The following IQCN variants were observed in gnomAD, a reference collection of about 807,000 sequenced individuals.
IQCN encodes the protein IQ domain-containing protein N.
A neutral mutation model predicts 64.4 loss-of-function variants in IQCN; 46 were observed. That is an observed-to-expected ratio of 0.71 (90% CI 0.56 to 0.91). The LOEUF is 0.91. Among genes scored for constraint, IQCN ranks in the 40% least tolerant of loss-of-function variants. The pLI is 0.00. For missense variants in IQCN, 1,753 were observed against 1,857.4 expected (o/e 0.94, Z 1.03); for synonymous variants, 733 against 775.6 (o/e 0.95, Z 0.91).
chr19:18,266,782 A>G lies in IQCN; in HGVS notation c.758T>C (p.Leu253Pro). ...VTIRFPCPVS[L>P]DAKCQPCLLT... ...CAGGCATGGCTGGCATTTTGCGTCC[A>G]GACTCACTGGGCAGGGAAATCTGAT... Residue 253 changes from leucine to proline, a missense_variant, in exon 3 of 4, where the codon CTG becomes CCG. By Grantham distance (98) the Leu-to-Pro change is moderately conservative (BLOSUM62 -3). Transcript: ENST00000392413. The surrounding 1 kb of genome is among the most constrained non-coding windows in gnomAD (Gnocchi z 4.3). 1 of 1,614,194 alleles carries G rather than the reference A, an allele frequency of 6.2e-7. No individual in the cohort carries two copies. Among genetic ancestry groups the G allele is most frequent in the Non-Finnish European group, 8.5e-7 (1 of 1,180,024 alleles).
At chr19:18,269,844 G>GA (rs1424639032) in intron 1 of IQCN, among the ~76,000 whole-genome samples, 4 of 151,952 alleles carry the variant, frequency 2.6e-5, no homozygotes, top group African/African-American at 9.7e-5. Flanking sequence ...TTTAGCAGAG[G>GA]AAAAACTGGA....
rs140959104 is a variant in IQCN, at chr19:18,257,690, G to A, written c.3594C>T (p.Ala1198=). 37 of 1,604,346 alleles carry A rather than the reference G, an allele frequency of 2.3e-5. No individual in the cohort carries two copies. Among genetic ancestry groups the A allele is most frequent in the Non-Finnish European group, 2.9e-5 (34 of 1,174,392 alleles). Residue 1198 remains alanine (A), a synonymous_variant, in exon 4 of 4, where the codon GCC becomes GCT. Coordinates refer to ENST00000392413, the MANE Select transcript of IQCN (RefSeq NM_001145304.2). ...PVTWVELGSR[A]GVMSDRSWFQ... ...ACCAGCTTCGGTCAGACATGACCCC[G>A]GCCCGGCTGCCCAGCTCCACCCACG...
At position 18,264,584 on chromosome 19, in the gene IQCN, C is replaced by G. The variant is rs926394174; in HGVS notation, c.2956G>C (p.Ala986Pro). ...CCCTGACACAGGGCCTGGCTCAGAG[C>G]CACCCACTCCTCCTCCGTCAAAGCC... is the stretch of plus-strand genomic sequence containing the variant. ...SKALTEEEWV[A>P]LSQALCQGEL... Residue 986 changes from alanine (A) to proline (P), a missense_variant, in exon 3 of 4, where the codon GCT becomes CCT. Ala to Pro is a conservative substitution (Grantham distance 27, BLOSUM62 -1). Coordinates refer to ENST00000392413, the MANE Select transcript of IQCN (RefSeq NM_001145304.2). The surrounding 1 kb of genome is among the most constrained non-coding windows in gnomAD (Gnocchi z 4.3). 1 of 1,551,452 alleles carries G rather than the reference C, an allele frequency of 6.4e-7. No individual in the cohort carries two copies. The highest frequency in any genetic ancestry group is 2.4e-5 in the East Asian group (1 of 40,914).
At position 18,257,773 on chromosome 19, in the gene IQCN, G is replaced by A. The variant is rs528994641; in HGVS notation, c.3511C>T (p.Arg1171Cys). 41 of 1,610,982 alleles carry A rather than the reference G, an allele frequency of 2.5e-5. No homozygotes were observed. In the South Asian group the frequency reaches 3.3e-4, roughly 13 times the overall value. ...TGGTCCCGGCGGGTGCTGTAGCCGC[G>A]CCAGGCAGACTGGATGGTCGTGGTG... ...RATTTIQSAW[R>C]GYSTRRDQAR... Residue 1171 changes from arginine to cysteine, a missense_variant, in exon 4 of 4, where the codon CGC becomes TGC. Coordinates refer to ENST00000392413, the MANE Select transcript of IQCN (RefSeq NM_001145304.2).
chr19:18,268,961 C>CAAAAA (rs35086395), intron 2 of IQCN, among the ~76,000 whole-genome samples: 2 of 54,428 alleles, frequency 3.7e-5, no homozygotes, highest in African/African-American at 7.2e-5. Flanking sequence ...GACTCTGTCT[C>CAAAAA]AAAAAAAAAA....
chr19:18,262,995 C>T (rs149374268), intron 3 of IQCN, among the ~76,000 whole-genome samples: 14 of 152,238 alleles, frequency 9.2e-5, no homozygotes, highest in Admixed American at 3.9e-4. Context: ...CCAGTGAACA[C>T]GCAAGGTCAA....
intron 3 of IQCN, among the ~76,000 whole-genome samples, chr19:18,263,736 C>A (rs1289633980): frequency 6.6e-6 from 1 of 152,146 alleles, no homozygotes; most frequent in Non-Finnish European, 1.5e-5. Context: ...ACGATGTACC[C>A]CTGAGGACTG....
Position 18,265,210 on chromosome 19 carries a change from C to G in IQCN, c.2330G>C (p.Gly777Ala). 6.2e-7 allele frequency: 1 copy of G among 1,612,012 alleles called. No homozygotes were observed. The highest frequency in any genetic ancestry group is 8.5e-7 in the Non-Finnish European group (1 of 1,179,980). ...GCAGGCGTGGTTGGACACCTTGGAC[C>G]CTGTTAGGAGCACCTGGGAGTGGGT... ...SNTHSQVLLT[G>A]SKVSNHACQR... The change falls in exon 3 of 4, where the codon GGG becomes GCG. Residue 777 changes from glycine to alanine, a missense_variant. By Grantham distance (60) the Gly-to-Ala change is moderately conservative. Transcript: ENST00000392413. This position sits in a 1 kb window ranked among gnomAD's most constrained non-coding sequence, Gnocchi z 4.7.
chr19:18,272,712 G>A (rs915717427), intron 1 of IQCN, among the ~76,000 whole-genome samples: 8 of 149,660 alleles, frequency 5.3e-5, no homozygotes, highest in South Asian at 2.1e-4. Flanking sequence ...CCGGGTTCAC[G>A]CCATTCTCCT....
intron 1 of IQCN, among the ~76,000 whole-genome samples, chr19:18,271,150 C>T (rs112543735): frequency 0.039 from 5,286 of 134,414 alleles, 334 homozygotes; most frequent in African/African-American, 0.15. Context: ...CCAGCCTGGG[C>T]GACAGAGTGA....
intron 3 of IQCN, chr19:18,258,380 T>C (rs1969360360): frequency 1.5e-6 from 1 of 669,792 alleles, no homozygotes; most frequent in Non-Finnish European, 2.7e-6. Context: ...AGGCCTGGGA[T>C]GGTTGTCTTT....
In IQCN at chr19:18,257,935, C is replaced by T. The variant is rs142699664; in HGVS notation, c.3349G>A (p.Val1117Met). The T allele has an allele frequency of 1.6e-4, 264 of 1,612,888 alleles. No individual in the cohort carries two copies. The African/African-American group carries it at 3.0e-3, about 18-fold the overall frequency. Residue 1117 changes from valine to methionine, a missense_variant, in exon 4 of 4, where the codon GTG becomes ATG. Val to Met is a conservative substitution (Grantham distance 21). Coordinates refer to ENST00000392413, the MANE Select transcript of IQCN (RefSeq NM_001145304.2). Reference protein sequence around the residue: ...QAAEEIRILAVITIQAGVRGY... With the variant: ...QAAEEIRILAMITIQAGVRGY... ...CGGACGCCCGCCTGGATAGTGATCA[C>T]TGCGAGGATGCGGATCTCCTCTGCA...
chr19:18,265,846 TTTGCAGCCTGCTTCACATTCACGG>T lies in IQCN; in HGVS notation c.1670_1693del (p.Thr557_Ala564del), dbSNP rs1412420897. On this transcript the variant is annotated inframe_deletion, in exon 3 of 4. Transcript: ENST00000392413. This position sits in a 1 kb window ranked among gnomAD's most constrained non-coding sequence, Gnocchi z 4.7. ...GGAGGGGGATGAGGCTTTCACCACCTTTGCAGCCTGCTTCACATTCACGGTGGCCTTGGCCTTGGGTGGGTTCTC... is the reference window on the plus strand; with the variant it reads ...GGAGGGGGATGAGGCTTTCACCACCTTGGCCTTGGCCTTGGGTGGGTTCTC... 6.2e-7 allele frequency: 1 copy of T among 1,614,136 alleles called. No individual in the cohort carries two copies. Among genetic ancestry groups the T allele is most frequent in the Admixed American group, 1.7e-5 (1 of 60,024 alleles).
intron 3 of IQCN, chr19:18,262,413 G>C (rs1969450795): frequency 1.3e-5 from 2 of 152,986 alleles, no homozygotes; most frequent in Admixed American, 1.3e-4. Flanking sequence ...AAAGGCTTGA[G>C]ATGGCTGGGC....
At position 18,264,405 on chromosome 19, in the gene IQCN, T is replaced by C. The variant is rs1969495268; in HGVS notation, c.3135A>G (p.Ala1045=). ...KVACRRSPSA[A]WGPSLGPVRP... is the part of the protein sequence containing the mutation. ...TCACGGGGCCCAGGGAGGGCCCCCA[T>C]GCGGCCGATGGACTCCTCCTGCAGG... Residue 1045 remains alanine (A), a synonymous_variant, in exon 3 of 4, where the codon GCA becomes GCG. Transcript: ENST00000392413. This position sits in a 1 kb window ranked among gnomAD's most constrained non-coding sequence, Gnocchi z 4.3. 4.6e-6 allele frequency: 7 copies of C among 1,531,056 alleles called. No homozygotes were observed. The highest frequency in any genetic ancestry group is 1.4e-5 in the African/African-American group (1 of 72,754). The allele number at this position is 1,531,056 out of a possible 1,614,324, so 94.8% of individuals were successfully genotyped here.
Position 18,266,525 on chromosome 19 carries a change from G to A in IQCN, c.1015C>T (p.Leu339=), listed in dbSNP as rs1341402831. ...ICPGPMITKT[L]LQTYPVVSVT... is the part of the protein sequence containing the mutation. ...GAGACCACTGGATATGTCTGGAGTA[G>A]AGTCTTGGTGATCATGGGCCCTGGA... is the stretch of plus-strand genomic sequence containing the variant. The change falls in exon 3 of 4, where the codon CTA becomes TTA. Residue 339 remains leucine (L), a synonymous_variant. Transcript: ENST00000392413. The surrounding 1 kb of genome is among the most constrained non-coding windows in gnomAD (Gnocchi z 4.3). The A allele has an allele frequency of 1.2e-6, 2 of 1,611,150 alleles. No individual in the cohort carries two copies. The highest frequency in any genetic ancestry group is 1.3e-5 in the African/African-American group (1 of 74,870).
At position 18,264,545 on chromosome 19, in the gene IQCN, G is replaced by A; in HGVS notation, c.2995C>T (p.Leu999Phe). ...QALCQGELGA[L>F]LSQSWCRVAL... The stretch of plus-strand genomic sequence containing the variant: ...ACCCGACACCAAGACTGGCTCAGGA[G>A]AGCACCCAGCTCACCCTGACACAGG... Residue 999 changes from leucine (L) to phenylalanine (F), a missense_variant, in exon 3 of 4, where the codon CTC (leucine) becomes TTC (phenylalanine). By Grantham distance (22) the Leu-to-Phe change is conservative. Coordinates refer to ENST00000392413, the MANE Select transcript of IQCN (RefSeq NM_001145304.2). This position sits in a 1 kb window ranked among gnomAD's most constrained non-coding sequence, Gnocchi z 4.3. 1 of 1,551,328 alleles carries A rather than the reference G, an allele frequency of 6.4e-7. No individual in the cohort carries two copies. Among genetic ancestry groups the A allele is most frequent in the Non-Finnish European group, 8.7e-7 (1 of 1,146,924 alleles).
chr19:18,268,217 T>TGTGTGTGTGTGTG (rs58772952), intron 2 of IQCN, among the ~76,000 whole-genome samples: 3 of 132,726 alleles, frequency 2.3e-5, no homozygotes, highest in South Asian at 2.3e-4. Context: ...TGTGTGTGTG[T>TGTGTGTGTGTGTG]TTGAAAAAGA....
intron 1 of IQCN, among the ~76,000 whole-genome samples, chr19:18,271,171 C>CAAAAGA (rs1450363489): frequency 1.3e-4 from 11 of 82,450 alleles, no homozygotes; most frequent in African/African-American, 4.4e-4. Flanking sequence ...GACTCTGTCT[C>CAAAAGA]AAAAAAAAAA....
Sources: allele counts gnomAD v4.1 joint callset (sites outside exome capture counted in the v4.1 genomes callset), GRCh38; gene constraint gnomAD v4.1.1; non-coding constraint Gnocchi (gnomAD v3.1); transcripts MANE v1.5; gene names NCBI Gene and HGNC (gene_info 2026-07-23, HGNC 2026-07-21).